RPS6KC1: variants seen among roughly 807,000 people sequenced by gnomAD.
RPS6KC1 encodes ribosomal protein S6 kinase C1, also known as inactive ribosomal protein S6 kinase delta-1.
RPS6KC1 carries 54 observed loss-of-function variants against 103.8 expected under a neutral mutation model. The observed-to-expected ratio is 0.52, with a 90% confidence interval of 0.42 to 0.65. RPS6KC1 has a LOEUF of 0.65. Ranked by LOEUF, RPS6KC1 falls within the 30% of genes least tolerant of loss-of-function variation. The probability of loss-of-function intolerance (pLI) is 0.00; values close to 1 mark genes in which losing one functional copy is unlikely to be tolerated. For synonymous variants in RPS6KC1, 439 were observed against 438.7 expected (o/e 1.00, Z -0.01); for missense variants, 1,151 against 1,253.8 (o/e 0.92, Z 1.24).
At chr1:213,723,599 G>A in the RPS6KC1 span, among the ~76,000 whole-genome samples, 2 of 152,258 alleles carry the variant, frequency 1.3e-5, no homozygotes, top group South Asian at 4.2e-4. Context: ...CTATCTCTAA[G>A]TATAGTCAGA....
chr1:213,636,285 A>T, the RPS6KC1 span, among the ~76,000 whole-genome samples: 1 of 152,316 alleles, frequency 6.6e-6, no homozygotes, highest in East Asian at 1.9e-4. Context: ...GTTCATATGG[A>T]ACCAAAAAAG....
the RPS6KC1 span, among the ~76,000 whole-genome samples, chr1:213,653,512 G>A: frequency 6.6e-6 from 1 of 151,664 alleles, no homozygotes; most frequent in African/African-American, 2.4e-5. Flanking sequence ...TTTCAAGTTT[G>A]TATCAGCTTA....
At chr1:213,232,074 AACT>A in intron 9 of RPS6KC1, 46 bp from the exon 10 acceptor site, 4 of 158,868 alleles carry the variant, frequency 2.5e-5, no homozygotes, top group Non-Finnish European at 3.7e-5. Flanking sequence ...CTCCAAAGGC[AACT>A]GAGGATGCAA....
chr1:213,584,313 T>A, the RPS6KC1 span, among the ~76,000 whole-genome samples: 1 of 152,180 alleles, frequency 6.6e-6, no homozygotes, highest in African/African-American at 2.4e-5. Context: ...CTAATACACA[T>A]CATTAACAAG....
chr1:213,702,209 G>A, the RPS6KC1 span, among the ~76,000 whole-genome samples: 9 of 151,770 alleles, frequency 5.9e-5, no homozygotes, highest in African/African-American at 1.9e-4. Flanking sequence ...TACTTTCCAT[G>A]TATTTGTATA....
At chr1:213,257,516 C>T (rs751834651) in intron 12 of RPS6KC1, among the ~76,000 whole-genome samples, 5 of 152,194 alleles carry the variant, frequency 3.3e-5, no homozygotes, top group Admixed American at 6.5e-5. Context: ...ACAATATTCT[C>T]TCCCAAAGTC....
chr1:213,326,078 A>G, the RPS6KC1 span, among the ~76,000 whole-genome samples: 1 of 152,170 alleles, frequency 6.6e-6, no homozygotes, highest in Admixed American at 6.5e-5. Flanking sequence ...AAGAAAATGA[A>G]AGTGAGCACC....
chr1:213,786,622 C>A, the RPS6KC1 span, among the ~76,000 whole-genome samples: 1 of 152,136 alleles, frequency 6.6e-6, no homozygotes, highest in Non-Finnish European at 1.5e-5. Context: ...AGAAGAACAG[C>A]TAAAAGGTAA....
the RPS6KC1 span, among the ~76,000 whole-genome samples, chr1:213,493,244 T>G: frequency 6.6e-6 from 1 of 152,194 alleles, no homozygotes; most frequent in East Asian, 1.9e-4. Flanking sequence ...GACTTTGTGT[T>G]CCTTATTAAT....
downstream of RPS6KC1, among the ~76,000 whole-genome samples, chr1:213,275,742 C>G (rs748358373): frequency 6.6e-6 from 1 of 152,162 alleles, no homozygotes; most frequent in Non-Finnish European, 1.5e-5. Flanking sequence ...AAAATCCACT[C>G]TTTTAGCTAT....
In RPS6KC1 at chr1:213,240,941, G is replaced by A. The variant is rs749410128; in HGVS notation, c.1465G>A (p.Asp489Asn). 1.0e-4 allele frequency: 163 copies of A among 1,613,708 alleles called. No individual in the cohort carries two copies. The highest frequency in any genetic ancestry group is 1.4e-4 in the Non-Finnish European group (160 of 1,179,906). The change falls in exon 11 of 15, where the codon GAT (aspartate) becomes AAT (asparagine). Residue 489 changes from aspartate (D) to asparagine (N), a missense_variant. Asp to Asn is a conservative substitution (Grantham distance 23). This residue lies in a region of RPS6KC1 where 959 missense variants were observed against 1,006.3 expected (regional missense o/e 0.95). Coordinates refer to ENST00000366960, the MANE Select transcript of RPS6KC1 (RefSeq NM_012424.6). ...SSQDDSNQEDDGQDSSPKWPD... is the reference protein window; with the variant it reads ...SSQDDSNQEDNGQDSSPKWPD... The stretch of plus-strand genomic sequence containing the variant: ...TCAAGATGACAGCAACCAGGAAGAT[G>A]ATGGCCAAGATAGCTCTCCAAAGTG...
At chr1:213,442,527 A>T in the RPS6KC1 span, among the ~76,000 whole-genome samples, 1 of 152,358 alleles carries the variant, frequency 6.6e-6, no homozygotes, top group South Asian at 2.1e-4. Context: ...TCTTGGACAG[A>T]GCTACTCAAC....
intron 8 of RPS6KC1, among the ~76,000 whole-genome samples, chr1:213,228,062 C>G (rs1165758874): frequency 6.6e-6 from 1 of 152,164 alleles, no homozygotes; most frequent in Non-Finnish European, 1.5e-5. Flanking sequence ...CGAAGTCTCA[C>G]TGGGAGACAG....
chr1:213,319,861 A>T, the RPS6KC1 span, among the ~76,000 whole-genome samples: 1 of 152,236 alleles, frequency 6.6e-6, no homozygotes, highest in Non-Finnish European at 1.5e-5. Flanking sequence ...GCAAATTTCA[A>T]TTCATGTCCA....
At chr1:213,612,079 C>A in the RPS6KC1 span, among the ~76,000 whole-genome samples, 2 of 152,324 alleles carry the variant, frequency 1.3e-5, no homozygotes, top group East Asian at 3.9e-4. Flanking sequence ...CAGCAGCTCT[C>A]AGATGTGGCC....
chr1:213,748,505 T>C, the RPS6KC1 span, among the ~76,000 whole-genome samples: 1 of 152,170 alleles, frequency 6.6e-6, no homozygotes, highest in African/African-American at 2.4e-5. Flanking sequence ...GATATCCTCA[T>C]TGTAATGGAA....
chr1:213,059,697 G>T (rs942153757), intron 1 of RPS6KC1, among the ~76,000 whole-genome samples: 1 of 150,642 alleles, frequency 6.6e-6, no homozygotes, highest in South Asian at 2.1e-4. Flanking sequence ...TTTTTGAGAC[G>T]CATCTCGCTC....
the RPS6KC1 span, among the ~76,000 whole-genome samples, chr1:213,659,526 C>G: frequency 3.3e-5 from 5 of 152,178 alleles, no homozygotes; most frequent in Admixed American, 6.5e-5. Context: ...GTCATCATCA[C>G]GTACAACTAA....
intron 2 of RPS6KC1, among the ~76,000 whole-genome samples, chr1:213,075,239 C>A (rs1279750353): frequency 6.6e-6 from 1 of 152,090 alleles, no homozygotes; most frequent in Non-Finnish European, 1.5e-5. Flanking sequence ...TGACCTTAAC[C>A]TTACGTAATG....
Sources: gnomAD v4.1 joint callset for allele counts (sites outside exome capture counted in the v4.1 genomes callset) on GRCh38, gnomAD v4.1.1 for gene constraint, gnomAD v4.1.1 regional missense constraint, MANE v1.5 for transcripts, NCBI Gene and HGNC (gene_info 2026-07-23, HGNC 2026-07-21) for gene names.